Variants in OSBPL11 observed in about 807,000 individuals in gnomAD.
The protein encoded by OSBPL11 is oxysterol-binding protein-related protein 11.
OSBPL11 carries 33 observed loss-of-function variants against 84.4 expected under a neutral mutation model. That is an observed-to-expected ratio of 0.39 (90% CI 0.30 to 0.52). The LOEUF is 0.52. Among genes scored for constraint, OSBPL11 ranks in the 20% least tolerant of loss-of-function variants. OSBPL11 has a pLI of 0.72. For missense variants in OSBPL11, 736 were observed against 901.1 expected (o/e 0.82, Z 2.35); for synonymous variants, 276 against 310.2 (o/e 0.89, Z 1.16).
chr3:125,551,533 C>G (rs2107595105), intron 9 of OSBPL11, among the ~76,000 whole-genome samples: 1 of 152,160 alleles, frequency 6.6e-6, no homozygotes. Flanking sequence ...CTTTGGGAGG[C>G]CGAGGTGGGT....
At position 125,532,150 on chromosome 3, in the gene OSBPL11, T is replaced by C. The variant is rs1464464204; in HGVS notation, c.2025-136A>G. The C allele has an allele frequency of 4.6e-6, 4 of 871,304 alleles. No homozygotes were observed. The East Asian group carries it at 1.1e-4, about 24-fold the overall frequency. The allele number at this position is 871,304 out of a possible 1,614,324, so 54.0% of individuals were successfully genotyped here. On this transcript the variant is annotated intron_variant, in intron 11 of 12. Transcript: ENST00000296220. ...CATCTACAATGTCATGCTTATGAAT[T>C]CCAAGAATAACGATACTGTGCTGCT...
intron 1 of OSBPL11, among the ~76,000 whole-genome samples, chr3:125,594,228 A>T (rs954171372): frequency 3.9e-5 from 6 of 152,222 alleles, no homozygotes; most frequent in African/African-American, 1.4e-4. Context: ...AGCTCTGGAC[A>T]AGTAAGTTTT....
intron 1 of OSBPL11, among the ~76,000 whole-genome samples, chr3:125,586,516 CT>C (rs554411650): frequency 2.0e-3 from 292 of 143,244 alleles, no homozygotes; most frequent in East Asian, 4.2e-3. Context: ...ATACATATTT[CT>C]TTTTTTTTTT....
intron 6 of OSBPL11, 92 bp downstream of exon 6, chr3:125,567,302 T>C: frequency 8.6e-7 from 1 of 1,164,524 alleles, no homozygotes; most frequent in Non-Finnish European, 1.2e-6. Context: ...TTTTTTTAAG[T>C]TAAGATTTTC....
intron 1 of OSBPL11, among the ~76,000 whole-genome samples, chr3:125,593,354 T>TTG (rs1369341128): frequency 6.6e-6 from 1 of 152,176 alleles, no homozygotes; most frequent in Admixed American, 6.5e-5. Flanking sequence ...GCGCGGTGGC[T>TTG]CAAGCCTGTA....
chr3:125,545,444 ACTTTAT>A lies in OSBPL11; in HGVS notation c.1841+1956_1841+1961del, dbSNP rs1297120423. Reference sequence around the variant, plus strand: ...ACCCATCTTTATGGTATTATGACAGACTTTATCTTTAACTATTACATATGAGTTTTT... The same window carrying A: ...ACCCATCTTTATGGTATTATGACAGACTTTAACTATTACATATGAGTTTTT... On this transcript the variant is annotated intron_variant, in intron 10 of 12. Transcript: ENST00000296220. Among the ~76,000 whole-genome samples the A allele has an allele frequency of 2.6e-5, 4 of 152,344 alleles. No homozygotes were observed. In the East Asian group the frequency reaches 7.7e-4, roughly 29 times the overall value.
rs1936596740 is a variant in OSBPL11, at chr3:125,591,686, A to G, written c.164+2951T>C. On this transcript the variant is annotated intron_variant, in intron 1 of 12. Transcript: ENST00000296220. ...CTGAGATTCCTGACCCAAAGACACT[A>G]TGAAATAATAAATGCTGCTAATATA... Among the ~76,000 whole-genome samples, 5 of 152,350 alleles carry G rather than the reference A, an allele frequency of 3.3e-5. No individual in the cohort carries two copies. The South Asian group carries it at 1.0e-3, about 32-fold the overall frequency.
intron 1 of OSBPL11, among the ~76,000 whole-genome samples, chr3:125,585,836 G>A (rs948819088): frequency 2.0e-5 from 3 of 152,186 alleles, no homozygotes; most frequent in African/African-American, 7.2e-5. Context: ...CATAAAAAGT[G>A]CTCTGTGACT....
chr3:125,538,715 C>G, intron 10 of OSBPL11, 82 bp from the exon 11 acceptor site: 1 of 1,244,006 alleles, frequency 8.0e-7, no homozygotes, highest in South Asian at 1.6e-5. Context: ...AAGAACACAG[C>G]CTGTGAATCC....
At chr3:125,535,889 T>C (rs1181347324) in intron 11 of OSBPL11, among the ~76,000 whole-genome samples, 1 of 151,342 alleles carries the variant, frequency 6.6e-6, no homozygotes, top group Non-Finnish European at 1.5e-5. Flanking sequence ...TTCCAGCACT[T>C]TGGGAGGCCG....
At chr3:125,561,416 T>C (rs1936077415) in intron 7 of OSBPL11, among the ~76,000 whole-genome samples, 1 of 152,246 alleles carries the variant, frequency 6.6e-6, no homozygotes, top group Non-Finnish European at 1.5e-5. Flanking sequence ...AATTTTCCTT[T>C]GTGAATGACA....
chr3:125,574,605 A>ATTT (rs1271553565), intron 5 of OSBPL11, among the ~76,000 whole-genome samples: 1 of 151,924 alleles, frequency 6.6e-6, no homozygotes, highest in Non-Finnish European at 1.5e-5. Context: ...AAATGAGGTT[A>ATTT]TCAATTAAAA....
At chr3:125,568,947 A>T (rs1936202946) in intron 5 of OSBPL11, among the ~76,000 whole-genome samples, 1 of 149,048 alleles carries the variant, frequency 6.7e-6, no homozygotes, top group African/African-American at 2.5e-5. Flanking sequence ...GTTCCAGGTG[A>T]TTTTTTTTTT....
intron 11 of OSBPL11, among the ~76,000 whole-genome samples, chr3:125,534,451 TA>T (rs1935609245): frequency 6.6e-6 from 1 of 150,820 alleles, no homozygotes; most frequent in African/African-American, 2.4e-5. Flanking sequence ...CAAACCTAAA[TA>T]AAGAATTAAA....
intron 5 of OSBPL11, among the ~76,000 whole-genome samples, chr3:125,574,189 A>G (rs1269407212): frequency 1.3e-5 from 2 of 152,042 alleles, no homozygotes; most frequent in Non-Finnish European, 2.9e-5. Context: ...GGTGGGTAGA[A>G]CTTCTGGAAT....
In OSBPL11 at chr3:125,530,288, G is replaced by C. The variant is rs1457586488; in HGVS notation, c.*227C>G. The C allele has an allele frequency of 4.0e-6, 2 of 503,652 alleles. No individual in the cohort carries two copies. The highest frequency in any genetic ancestry group is 3.3e-5 in the Admixed American group (1 of 30,616). The allele number at this position is 503,652 out of a possible 1,614,324, so 31.2% of individuals were successfully genotyped here. A position where few individuals can be genotyped will look rare whatever the true frequency, so the allele number is the denominator to read the frequency against. ...TACTGATTCAGGTAACAAGTTTTAAGATGGTATTGCTCACATCACATGAAC... is the reference window on the plus strand; with the variant it reads ...TACTGATTCAGGTAACAAGTTTTAACATGGTATTGCTCACATCACATGAAC... On this transcript the variant is annotated 3_prime_UTR_variant, in exon 13 of 13. Coordinates refer to ENST00000296220, the MANE Select transcript of OSBPL11 (RefSeq NM_022776.5).
chr3:125,586,063 C>A (rs766261790), intron 1 of OSBPL11, among the ~76,000 whole-genome samples: 66 of 152,012 alleles, frequency 4.3e-4, no homozygotes, highest in Non-Finnish European at 8.4e-4. Context: ...ATAGGGAGAC[C>A]CACCCCATCT....
chr3:125,535,387 T>C (rs770186951), intron 11 of OSBPL11, among the ~76,000 whole-genome samples: 4 of 149,348 alleles, frequency 2.7e-5, no homozygotes, highest in East Asian at 3.9e-4. Flanking sequence ...CTCATGTATA[T>C]AGAAACTATA....
intron 1 of OSBPL11, among the ~76,000 whole-genome samples, chr3:125,588,489 T>C (rs1936548982): frequency 6.6e-6 from 1 of 152,188 alleles, no homozygotes; most frequent in African/African-American, 2.4e-5. Flanking sequence ...ACCTATTGGT[T>C]CTATTTTCCT....
Sources: allele counts gnomAD v4.1 joint callset (sites outside exome capture counted in the v4.1 genomes callset), GRCh38; gene constraint gnomAD v4.1.1; transcripts MANE v1.5; gene names NCBI Gene and HGNC (gene_info 2026-07-23, HGNC 2026-07-21).